Variants in BPGM observed in about 807,000 individuals in gnomAD.
BPGM encodes the protein bisphosphoglycerate mutase, also known as 2,3-bisphosphoglycerate mutase, erythrocyte.
In BPGM, 15 loss-of-function variants were observed where a neutral mutation model predicts 21.6. The ratio of observed to expected loss-of-function variants is 0.70; its 90% CI spans 0.47 to 1.07. BPGM has a LOEUF of 1.07. Among genes scored for constraint, BPGM ranks in the 50% least tolerant of loss-of-function variants. The pLI is 0.00. For synonymous variants in BPGM, 113 were observed against 116.2 expected (o/e 0.97, Z 0.18); for missense variants, 273 against 319.0 (o/e 0.86, Z 1.10).
chr7:134,654,127 TAC>T (rs5887693), intron 1 of BPGM, among the ~76,000 whole-genome samples: 17 of 150,210 alleles, frequency 1.1e-4, no homozygotes, highest in Non-Finnish European at 1.2e-4. Context: ...GAGTTTTAGG[TAC>T]ACACACACAC....
Position 134,648,136 on chromosome 7 carries a change from T to TTTTTG in BPGM, c.-62+1203_-62+1204insGTTTT, listed in dbSNP as rs1554409872. 5.7e-4 allele frequency among the ~76,000 whole-genome samples: 86 copies of TTTTTG among 149,756 alleles called. 1 individual carries two copies. In the East Asian group the frequency reaches 0.013, roughly 23 times the overall value. ...TTCTTTCTTTCTTTTGTTTTGGTTTTTTTTTTGTTTTGTTTTCAGACGGAG... is the reference window on the plus strand; with the variant it reads ...TTCTTTCTTTCTTTTGTTTTGGTTTTTTTTGTTTTTTGTTTTGTTTTCAGACGGAG... On this transcript the variant is annotated intron_variant, in intron 1 of 2. Coordinates refer to ENST00000344924, the MANE Select transcript of BPGM (RefSeq NM_001724.5).
At chr7:134,655,670 CTTAAG>C (rs1198933520) in intron 1 of BPGM, among the ~76,000 whole-genome samples, 1 of 152,156 alleles carries the variant, frequency 6.6e-6, no homozygotes, top group Non-Finnish European at 1.5e-5. Context: ...CCCTGAGATT[CTTAAG>C]TTAAAGTTTC....
intron 2 of BPGM, among the ~76,000 whole-genome samples, chr7:134,671,137 G>T (rs1585864992): frequency 1.3e-5 from 2 of 151,984 alleles, no homozygotes; most frequent in East Asian, 3.9e-4. Context: ...AAAACCCAGA[G>T]AGTTCGAATT....
intron 1 of BPGM, 175 bp downstream of exon 1, chr7:134,647,112 C>G (rs1387118128): frequency 6.5e-6 from 1 of 153,086 alleles, no homozygotes; most frequent in African/African-American, 2.4e-5. Context: ...CGCCCCGGTC[C>G]CTTTCCCTTG....
chr7:134,647,694 C>T (rs558840111), intron 1 of BPGM, among the ~76,000 whole-genome samples: 7 of 152,216 alleles, frequency 4.6e-5, no homozygotes, highest in Non-Finnish European at 7.3e-5. Context: ...TGACTAAATG[C>T]AGACTCTTTC....
At chr7:134,649,435 A>G (rs1795522205) in intron 1 of BPGM, among the ~76,000 whole-genome samples, 1 of 152,210 alleles carries the variant, frequency 6.6e-6, no homozygotes, top group Non-Finnish European at 1.5e-5. Flanking sequence ...ATTAAGAGGC[A>G]CATTTTAAGT....
intron 2 of BPGM, among the ~76,000 whole-genome samples, chr7:134,670,132 T>A (rs553375292): frequency 6.6e-6 from 1 of 152,290 alleles, no homozygotes; most frequent in South Asian, 2.1e-4. Flanking sequence ...GATTGTTTAG[T>A]CTGGGTTTAA....
chr7:134,678,906 C>G lies in BPGM; in HGVS notation c.655C>G (p.Leu219Val). 1 of 1,614,078 alleles carries G rather than the reference C, an allele frequency of 6.2e-7. No individual in the cohort carries two copies. Among genetic ancestry groups the G allele is most frequent in the Non-Finnish European group, 8.5e-7 (1 of 1,179,948 alleles). Residue 219 changes from leucine (L) to valine (V), a missense_variant, in exon 3 of 3, where the codon CTT (leucine) becomes GTT (valine). Transcript: ENST00000344924. ...TACTCTTCCTACTGGAGTCCCCATTCTTCTGGAATTGGATGAAAACCTGCG... is the reference window on the plus strand; with the variant it reads ...TACTCTTCCTACTGGAGTCCCCATTGTTCTGGAATTGGATGAAAACCTGCG... ...NITLPTGVPI[L>V]LELDENLRAV...
At position 134,662,010 on chromosome 7, in the gene BPGM, A is replaced by G. The variant is rs2131432850; in HGVS notation, c.503A>G (p.Tyr168Cys). ...GATGTTCTGGAGAGACTCCTTCCCT[A>G]TTGGAATGAAAGGATTGCTCCCGAA... ...LKDVLERLLP[Y>C]WNERIAPEVL... Residue 168 changes from tyrosine (Y) to cysteine (C), a missense_variant, in exon 2 of 3, where the codon TAT becomes TGT. By Grantham distance (194) the Tyr-to-Cys change is radical (BLOSUM62 -2). Coordinates refer to ENST00000344924, the MANE Select transcript of BPGM (RefSeq NM_001724.5). The G allele has an allele frequency of 1.2e-6, 2 of 1,614,112 alleles. No homozygotes were observed. Among genetic ancestry groups the G allele is most frequent in the East Asian group, 4.5e-5 (2 of 44,876 alleles).
intron 2 of BPGM, among the ~76,000 whole-genome samples, chr7:134,669,506 G>A (rs568754952): frequency 3.3e-5 from 5 of 151,938 alleles, no homozygotes; most frequent in African/African-American, 7.2e-5. Context: ...GTCTAGGAGC[G>A]GGTCAACAAG....
chr7:134,649,398 C>T (rs117251064), intron 1 of BPGM, among the ~76,000 whole-genome samples: 6 of 152,252 alleles, frequency 3.9e-5, no homozygotes, highest in Non-Finnish European at 7.3e-5. Context: ...GTCTTTCTTC[C>T]TCTTTTGCCT....
chr7:134,673,870 C>A (rs1795943825), intron 2 of BPGM, among the ~76,000 whole-genome samples: 1 of 149,754 alleles, frequency 6.7e-6, no homozygotes, highest in Non-Finnish European at 1.5e-5. Context: ...GTGAGTAGAG[C>A]AGGTTTTTAT....
rs147174635 is a variant in BPGM, at chr7:134,646,897, G to GGCTGCT, written c.-82_-77dup. 1,585 of 185,912 alleles carry GGCTGCT rather than the reference G, an allele frequency of 8.5e-3. 79 individuals carry two copies. The highest frequency in any genetic ancestry group is 0.035 in the South Asian group (449 of 12,724). The allele number at this position is 185,912 out of a possible 1,614,324, so 11.5% of individuals were successfully genotyped here. A position where few individuals can be genotyped will look rare whatever the true frequency, so the allele number is the denominator to read the frequency against. ...TGGCTCTTTGGCGGCTCGGAGGAGC[G>GGCTGCT]GCTGCTGCTGCTGCTGCTGCTGCTG... On this transcript the variant is annotated 5_prime_UTR_variant, in exon 1 of 3. Coordinates refer to ENST00000344924, the MANE Select transcript of BPGM (RefSeq NM_001724.5).
chr7:134,670,847 TG>T (rs1279782417), intron 2 of BPGM, among the ~76,000 whole-genome samples: 1 of 152,134 alleles, frequency 6.6e-6, no homozygotes, highest in African/African-American at 2.4e-5. Context: ...ACTACCGAAT[TG>T]GGGTTTCTTC....
At chr7:134,652,318 T>A (rs1015045216) in intron 1 of BPGM, among the ~76,000 whole-genome samples, 2 of 152,186 alleles carry the variant, frequency 1.3e-5, no homozygotes, top group East Asian at 1.9e-4. Flanking sequence ...TACCGTTTTT[T>A]AAAAAATTTA....
intron 2 of BPGM, 80 bp from the exon 3 acceptor site, chr7:134,678,773 A>G: frequency 2.2e-6 from 3 of 1,335,430 alleles, no homozygotes; most frequent in African/African-American, 1.4e-5. Context: ...AAATGGGATT[A>G]AAGTGCAGTT....
rs183514044 is a variant in BPGM at position 134,654,498 on chromosome 7, A to G, written c.-61-6949A>G. Among the ~76,000 whole-genome samples the G allele has an allele frequency of 3.4e-3, 525 of 152,292 alleles. 3 individuals are homozygous for G. Among genetic ancestry groups the G allele is most frequent in the African/African-American group, 0.012 (496 of 41,564 alleles). On this transcript the variant is annotated intron_variant, in intron 1 of 2. Coordinates refer to ENST00000344924, the MANE Select transcript of BPGM (RefSeq NM_001724.5). ...CTTTCCTCCTGTTTCTTCATCTGTG[A>G]AATGGGAGTAATCATAGTAGCCACT...
intron 1 of BPGM, among the ~76,000 whole-genome samples, chr7:134,659,395 GT>G (rs1795694174): frequency 2.3e-5 from 3 of 127,906 alleles, no homozygotes; most frequent in Non-Finnish European, 5.0e-5. Flanking sequence ...GTGTGTGTGT[GT>G]GTGTGTGTGT....
intron 1 of BPGM, chr7:134,647,370 T>C (rs968108868): frequency 6.6e-6 from 1 of 152,160 alleles, no homozygotes; most frequent in African/African-American, 2.4e-5. Context: ...TTTTGTGTAG[T>C]AGACAGAAAA....
Sources: allele counts gnomAD v4.1 joint callset (sites outside exome capture counted in the v4.1 genomes callset), GRCh38; gene constraint gnomAD v4.1.1; transcripts MANE v1.5; gene names NCBI Gene and HGNC (gene_info 2026-07-23, HGNC 2026-07-21).